The following LYPD6B variants were observed in gnomAD, a reference collection of about 807,000 sequenced individuals.
LYPD6B encodes LY6/PLAUR domain containing 6B.
LYPD6B carries 17 observed loss-of-function variants against 22.8 expected under a neutral mutation model. The observed-to-expected ratio is 0.75, with a 90% CI of 0.51 to 1.12. The LOEUF (loss-of-function observed/expected upper bound fraction) is 1.12. Among genes scored for constraint, LYPD6B ranks in the 50% most tolerant of loss-of-function variants. The pLI is 0.00. For missense variants in LYPD6B, 221 were observed against 258.3 expected, an observed-to-expected ratio of 0.86 and a Z score of 0.99; for synonymous variants, 106 against 91.6, an observed-to-expected ratio of 1.16 and a Z score of -0.90.
chr2:149,104,135 T>G (rs1421453272), intron 1 of LYPD6B, among the ~76,000 whole-genome samples: 1 of 152,150 alleles, frequency 6.6e-6, no homozygotes, highest in African/African-American at 2.4e-5. Flanking sequence ...ATGCCCACAA[T>G]CTGTTTATCC....
intron 3 of LYPD6B, among the ~76,000 whole-genome samples, chr2:149,170,095 T>C (rs1303782237): frequency 6.6e-6 from 1 of 152,218 alleles, no homozygotes; most frequent in Admixed American, 6.5e-5. Flanking sequence ...AAAAATTGTA[T>C]TGGTCAGTAT....
chr2:149,157,166 A>C (rs1383069213), intron 2 of LYPD6B, among the ~76,000 whole-genome samples: 1 of 152,124 alleles, frequency 6.6e-6, no homozygotes, highest in African/African-American at 2.4e-5. Flanking sequence ...TTGTATTAGC[A>C]TCCTAGTTTC....
At chr2:149,128,492 G>A (rs1052464116) in intron 1 of LYPD6B, among the ~76,000 whole-genome samples, 1 of 152,214 alleles carries the variant, frequency 6.6e-6, no homozygotes, top group African/African-American at 2.4e-5. Context: ...ACTGTAATTA[G>A]ATGAGAGAGT....
At chr2:149,074,940 A>G (rs10803788) in intron 1 of LYPD6B, among the ~76,000 whole-genome samples, 61,852 of 152,018 alleles carry the variant, frequency 0.41, 12,784 homozygotes, top group South Asian at 0.46. Context: ...CTGCAAGGCA[A>G]CCCATATTAG....
intron 3 of LYPD6B, among the ~76,000 whole-genome samples, chr2:149,174,790 G>T (rs572743606): frequency 6.6e-6 from 1 of 151,660 alleles, no homozygotes. Context: ...TCAGAGGTTG[G>T]GGGGGTGGGA....
intron 1 of LYPD6B, among the ~76,000 whole-genome samples, chr2:149,098,587 A>G (rs1479046376): frequency 7.0e-6 from 1 of 142,354 alleles, no homozygotes; most frequent in Non-Finnish European, 1.5e-5. Flanking sequence ...AGATCGTGCC[A>G]TTGAACTCCA....
chr2:149,202,290 T>C (rs2106125418), intron 3 of LYPD6B, among the ~76,000 whole-genome samples: 1 of 152,316 alleles, frequency 6.6e-6, no homozygotes, highest in South Asian at 2.1e-4. Flanking sequence ...CTATGGCCTG[T>C]AAGCATCTGT....
At chr2:149,160,718 C>T in intron 2 of LYPD6B, 46 bp from the exon 3 acceptor site, 1 of 1,312,866 alleles carries the variant, frequency 7.6e-7, no homozygotes. Context: ...GAACGTTACT[C>T]ATCGTCAGCA....
chr2:149,133,714 C>A (rs148015621), intron 2 of LYPD6B, among the ~76,000 whole-genome samples: 1 of 152,304 alleles, frequency 6.6e-6, no homozygotes, highest in African/African-American at 2.4e-5. Context: ...CTGCTAGAAT[C>A]AGGGAGAAGG....
At chr2:149,114,726 C>T (rs1028389776) in intron 1 of LYPD6B, among the ~76,000 whole-genome samples, 2 of 152,112 alleles carry the variant, frequency 1.3e-5, no homozygotes, top group Non-Finnish European at 2.9e-5. Flanking sequence ...ATTGCCAAGA[C>T]TATGTCTGAA....
At chr2:149,071,585 C>T (rs1558980565) in intron 1 of LYPD6B, among the ~76,000 whole-genome samples, 1 of 152,144 alleles carries the variant, frequency 6.6e-6, no homozygotes, top group Non-Finnish European at 1.5e-5. Flanking sequence ...ATAGAAGATG[C>T]ATACACTAAA....
In LYPD6B at chr2:149,096,816, A is replaced by G. The variant is rs57517330; in HGVS notation, c.-66-34067A>G. On this transcript the variant is annotated intron_variant, in intron 1 of 6. Transcript: ENST00000409642. Reference sequence around the variant, plus strand: ...GGTCTCATCAAGAGCAGAAGGGAACAAACAAAATGTTTTAGAGCTCAAGAT... The same window carrying G: ...GGTCTCATCAAGAGCAGAAGGGAACGAACAAAATGTTTTAGAGCTCAAGAT... 0.029 allele frequency among the ~76,000 whole-genome samples: 4,481 copies of G among 152,318 alleles called. 324 individuals are homozygous for G. The East Asian group carries it at 0.31, about 10-fold the overall frequency.
intron 1 of LYPD6B, among the ~76,000 whole-genome samples, chr2:149,100,380 A>G (rs189583680): frequency 6.7e-6 from 1 of 148,720 alleles, no homozygotes; most frequent in East Asian, 2.0e-4. Context: ...TGGATCTTCT[A>G]AAAGCATAAG....
chr2:149,113,015 G>A (rs184164104), intron 1 of LYPD6B, among the ~76,000 whole-genome samples: 41 of 152,290 alleles, frequency 2.7e-4, no homozygotes, highest in Non-Finnish European at 4.4e-4. Flanking sequence ...AGAAGGTATG[G>A]TAGGAGAGGA....
chr2:149,141,333 G>C (rs891630264), intron 2 of LYPD6B, among the ~76,000 whole-genome samples: 6 of 152,152 alleles, frequency 3.9e-5, no homozygotes, highest in Admixed American at 3.9e-4. Context: ...GGAGTACAGG[G>C]GGGAGAGAAA....
At chr2:149,158,052 G>C (rs1458921171) in intron 2 of LYPD6B, among the ~76,000 whole-genome samples, 1 of 152,012 alleles carries the variant, frequency 6.6e-6, no homozygotes, top group Non-Finnish European at 1.5e-5. Flanking sequence ...TTAAGATTGG[G>C]GTGGGGAGAT....
At chr2:149,175,568 A>AGTAACTAATTTTAGTT (rs1485511937) in intron 3 of LYPD6B, among the ~76,000 whole-genome samples, 1 of 152,098 alleles carries the variant, frequency 6.6e-6, no homozygotes, top group Non-Finnish European at 1.5e-5. Flanking sequence ...AGTTTACTGT[A>AGTAACTAATTTTAGTT]ACTCTTTATA....
chr2:149,121,576 C>A (rs556117477), intron 1 of LYPD6B, among the ~76,000 whole-genome samples: 1 of 152,040 alleles, frequency 6.6e-6, no homozygotes, highest in African/African-American at 2.4e-5. Flanking sequence ...ACAAGGGACT[C>A]CAACAGTGGA....
chr2:149,153,542 C>T lies in LYPD6B; in HGVS notation c.6-7222C>T, dbSNP rs567061470. On this transcript the variant is annotated intron_variant, in intron 2 of 6. Coordinates refer to ENST00000409642, the MANE Select transcript of LYPD6B (RefSeq NM_177964.5). ...CTGTAATCCCATCACTTTGGGAGGCCGAGGCGGGCGAATCACGAGATCAGG... is the reference window on the plus strand; with the variant it reads ...CTGTAATCCCATCACTTTGGGAGGCTGAGGCGGGCGAATCACGAGATCAGG... Among the ~76,000 whole-genome samples, 5 of 151,954 alleles carry T rather than the reference C, an allele frequency of 3.3e-5. No individual in the cohort carries two copies. The South Asian group carries it at 6.3e-4, about 19-fold the overall frequency.
Sources: gnomAD v4.1 joint callset for allele counts (sites outside exome capture counted in the v4.1 genomes callset) on GRCh38, gnomAD v4.1.1 for gene constraint, MANE v1.5 for transcripts, NCBI Gene and HGNC (gene_info 2026-07-23, HGNC 2026-07-21) for gene names.